Variants in MROH2B observed in about 807,000 individuals in gnomAD.
MROH2B encodes maestro heat like repeat family member 2B.
A neutral mutation model predicts 208.6 loss-of-function variants in MROH2B; 177 were observed. That is an observed-to-expected ratio of 0.85 (90% CI 0.75 to 0.96). MROH2B has a LOEUF of 0.96. Among genes scored for constraint, MROH2B ranks in the 40% least tolerant of loss-of-function variants. The pLI is 0.00. For synonymous variants in MROH2B, 728 were observed against 659.0 expected (o/e 1.10, Z -1.60); for missense variants, 2,002 against 1,878.7 (o/e 1.07, Z -1.21).
At chr5:41,028,142 C>G (rs1307585271) in intron 24 of MROH2B, among the ~76,000 whole-genome samples, 1 of 152,102 alleles carries the variant, frequency 6.6e-6, no homozygotes, top group Non-Finnish European at 1.5e-5. Context: ...ACGTATGTAA[C>G]AAACCTGCAC....
intron 37 of MROH2B, 55 bp downstream of exon 37, chr5:41,004,291 C>A: frequency 2.5e-6 from 4 of 1,575,588 alleles, no homozygotes; most frequent in Middle Eastern, 1.7e-4. Context: ...ACTACCTAAA[C>A]CTGTTTCTGT....
chr5:41,034,994 A>C (rs1742707626), intron 21 of MROH2B, among the ~76,000 whole-genome samples: 1 of 152,188 alleles, frequency 6.6e-6, no homozygotes. Context: ...GATAGGAAGA[A>C]TCAATATTGT....
rs772992953 is a variant in MROH2B at position 41,000,376 on chromosome 5, AC to A, written c.4351-26del. 40 of 1,609,482 alleles carry A rather than the reference AC, an allele frequency of 2.5e-5. No homozygotes were observed. The East Asian group carries it at 8.7e-4, about 35-fold the overall frequency. The stretch of plus-strand genomic sequence containing the variant: ...CCTGGAAAACAGAGTTTTCTGCATC[AC>A]AGTCCAGAACGTTAGGATCTCCTTC... On this transcript the variant is annotated intron_variant, in intron 38 of 41. Coordinates refer to ENST00000399564, the MANE Select transcript of MROH2B (RefSeq NM_173489.5).
intron 30 of MROH2B, 28 bp downstream of exon 30, chr5:41,012,555 C>T: frequency 1.3e-6 from 2 of 1,598,962 alleles, no homozygotes; most frequent in Non-Finnish European, 1.7e-6. Context: ...GAAATCTGTT[C>T]AGTTGTTAAA....
chr5:41,005,425 C>CCTCCT (rs58129703), intron 35 of MROH2B, 106 bp downstream of exon 35: 53,612 of 215,622 alleles, frequency 0.25, 9,385 homozygotes, highest in Non-Finnish European at 0.3. Context: ...CCCCCCCCCC[C>CCTCCT]TTGAAGTCTC....
At chr5:41,008,018 T>C (rs141040261) in intron 33 of MROH2B, among the ~76,000 whole-genome samples, 1 of 152,356 alleles carries the variant, frequency 6.6e-6, no homozygotes, top group African/African-American at 2.4e-5. Flanking sequence ...TGTTGCACTA[T>C]AATTTTACAT....
At chr5:41,023,944 A>C (rs1253702626) in intron 24 of MROH2B, among the ~76,000 whole-genome samples, 1 of 152,158 alleles carries the variant, frequency 6.6e-6, no homozygotes, top group African/African-American at 2.4e-5. Context: ...AGCTTCATAA[A>C]TAAAGGAGAA....
intron 24 of MROH2B, among the ~76,000 whole-genome samples, chr5:41,031,525 T>C (rs1314445652): frequency 1.3e-5 from 2 of 152,110 alleles, no homozygotes; most frequent in Admixed American, 6.6e-5. Context: ...GTTTTTATTA[T>C]TTTTTAAAAA....
chr5:41,048,210 G>T lies in MROH2B; in HGVS notation c.1684+114C>A, dbSNP rs528645412. ...AATAGCTATCTACCTTGCATATCAAGTTCATCATTTTTATTGCCTAAAATG... is the reference window on the plus strand; with the variant it reads ...AATAGCTATCTACCTTGCATATCAATTTCATCATTTTTATTGCCTAAAATG... On this transcript the variant is annotated intron_variant, in intron 16 of 41. Coordinates refer to ENST00000399564, the MANE Select transcript of MROH2B (RefSeq NM_173489.5). 1.7e-4 allele frequency: 225 copies of T among 1,297,304 alleles called. No homozygotes were observed. In the African/African-American group the frequency reaches 3.2e-3, roughly 18 times the overall value. 80.4% of individuals were successfully genotyped at this position (1,297,304 alleles called of 1,614,324 possible). A position where few individuals can be genotyped will look rare whatever the true frequency, so the allele number is the denominator to read the frequency against.
intron 17 of MROH2B, 151 bp from the exon 18 acceptor site, chr5:41,046,004 C>T: frequency 2.3e-6 from 1 of 442,752 alleles, no homozygotes; most frequent in Admixed American, 3.8e-5. Context: ...TCGAAACTTT[C>T]CTCTTAGTTT....
At chr5:41,028,849 T>C (rs1028576132) in intron 24 of MROH2B, among the ~76,000 whole-genome samples, 1 of 152,178 alleles carries the variant, frequency 6.6e-6, no homozygotes, top group African/African-American at 2.4e-5. Context: ...ATGGATGAGC[T>C]GTATAGTAGT....
At chr5:41,019,459 C>T (rs1250665460) in intron 24 of MROH2B, among the ~76,000 whole-genome samples, 2 of 152,078 alleles carry the variant, frequency 1.3e-5, no homozygotes, top group Non-Finnish European at 2.9e-5. Flanking sequence ...TTTTCATGTT[C>T]TAAATAGTGA....
At chr5:41,034,072 C>G (rs1742673955) in intron 21 of MROH2B, 1 of 984,742 alleles carries the variant, frequency 1.0e-6, no homozygotes, top group African/African-American at 1.7e-5. Context: ...GAGTCTTTCC[C>G]CCAGGTAAGT....
Position 41,011,134 on chromosome 5 carries a change from C to T in MROH2B, c.3136-1055G>A, listed in dbSNP as rs149994288. ...ATGTTAATCTGTTGGCAGTAGGGAACGATATCATACATTTGGATTTTTGAC... is the reference window on the plus strand; with the variant it reads ...ATGTTAATCTGTTGGCAGTAGGGAATGATATCATACATTTGGATTTTTGAC... On this transcript the variant is annotated intron_variant, in intron 30 of 41. Transcript: ENST00000399564. 7.0e-3 allele frequency among the ~76,000 whole-genome samples: 1,066 copies of T among 152,166 alleles called. 10 individuals are homozygous for T. Among genetic ancestry groups the T allele is most frequent in the African/African-American group, 0.022 (920 of 41,520 alleles).
intron 15 of MROH2B, among the ~76,000 whole-genome samples, chr5:41,048,859 A>T (rs1743200658): frequency 6.6e-6 from 1 of 152,336 alleles, no homozygotes; most frequent in South Asian, 2.1e-4. Context: ...TATGAATGAG[A>T]TTCAATATAT....
intron 30 of MROH2B, among the ~76,000 whole-genome samples, chr5:41,011,625 T>C (rs1278374383): frequency 6.6e-6 from 1 of 152,202 alleles, no homozygotes; most frequent in Non-Finnish European, 1.5e-5. Context: ...TTCTTTCTCT[T>C]ACTCTCTTTG....
chr5:41,021,548 A>T (rs1048187437), intron 24 of MROH2B, among the ~76,000 whole-genome samples: 1 of 152,190 alleles, frequency 6.6e-6, no homozygotes, highest in Non-Finnish European at 1.5e-5. Flanking sequence ...TTTTTACAAA[A>T]GCACAGTAAT....
intron 5 of MROH2B, among the ~76,000 whole-genome samples, chr5:41,063,186 T>A (rs1438288873): frequency 1.3e-5 from 2 of 152,236 alleles, no homozygotes; most frequent in African/African-American, 4.8e-5. Context: ...TCTTGGTTGT[T>A]AATATTAAAG....
At chr5:41,047,837 C>T (rs1172358014) in intron 16 of MROH2B, 73 bp from the exon 17 acceptor site, 2 of 1,273,606 alleles carry the variant, frequency 1.6e-6, no homozygotes, top group East Asian at 5.0e-5. Flanking sequence ...CCCCTCCAGG[C>T]CTCCAGTGAT....
Sources: allele counts gnomAD v4.1 joint callset (sites outside exome capture counted in the v4.1 genomes callset), GRCh38; gene constraint gnomAD v4.1.1; transcripts MANE v1.5; gene names NCBI Gene and HGNC (gene_info 2026-07-23, HGNC 2026-07-21).